The following MCC variants were observed in gnomAD, a reference collection of about 807,000 sequenced individuals.
MCC encodes MCC regulator of Wnt signaling pathway, also known as colorectal mutant cancer protein.
In MCC, 90 loss-of-function variants were observed where a neutral mutation model predicts 116.2. The observed-to-expected ratio is 0.77, with a 90% CI of 0.65 to 0.92. The LOEUF (loss-of-function observed/expected upper bound fraction) is 0.92, where lower values mean the gene tolerates loss of function less well. Among genes scored for constraint, MCC ranks in the 40% least tolerant of loss-of-function variants. The pLI, the probability that MCC is intolerant of heterozygous loss-of-function variation, is 0.00. For missense variants in MCC, 1,516 were observed against 1,312.2 expected, an observed-to-expected ratio of 1.16 and a Z score of -2.40; for synonymous variants, 578 against 510.5, an observed-to-expected ratio of 1.13 and a Z score of -1.78.
At position 113,420,343 on chromosome 5, in the gene MCC, C is replaced by A. The variant is rs1770294195; in HGVS notation, c.171-35131G>T. On this transcript the variant is annotated intron_variant, in intron 1 of 18. Coordinates refer to ENST00000408903, the MANE Select transcript of MCC (RefSeq NM_001085377.2). ...AATTAAAAGGAAAAAAGAAATCTGA[C>A]AGCATTTGCCACTTGTAAAAATTTC... Among the ~76,000 whole-genome samples, 4 of 152,072 alleles carry A rather than the reference C, an allele frequency of 2.6e-5. No homozygotes were observed. In the South Asian group the frequency reaches 8.3e-4, roughly 32 times the overall value.
At chr5:113,483,525 T>C (rs1431081496) in intron 1 of MCC, among the ~76,000 whole-genome samples, 1 of 152,342 alleles carries the variant, frequency 6.6e-6, no homozygotes, top group African/African-American at 2.4e-5. Context: ...ATTTTGATCT[T>C]ATTTTTGTAT....
At chr5:113,369,643 C>T (rs1197630495) in intron 2 of MCC, among the ~76,000 whole-genome samples, 2 of 152,136 alleles carry the variant, frequency 1.3e-5, no homozygotes, top group Non-Finnish European at 1.5e-5. Flanking sequence ...TTGTTTCCAC[C>T]TTTGGGCTAC....
intron 1 of MCC, among the ~76,000 whole-genome samples, chr5:113,440,156 C>A (rs189257174): frequency 5.3e-5 from 8 of 152,332 alleles, no homozygotes; most frequent in African/African-American, 1.9e-4. Flanking sequence ...AGTGCCCTTA[C>A]TGGTCTCTCT....
At chr5:113,061,389 G>C (rs926739923) in intron 14 of MCC, among the ~76,000 whole-genome samples, 2 of 152,132 alleles carry the variant, frequency 1.3e-5, no homozygotes, top group Non-Finnish European at 2.9e-5. Flanking sequence ...ACAGAGGGTG[G>C]GCTTGACCAA....
At chr5:113,066,872 T>A (rs148201293) in intron 13 of MCC, among the ~76,000 whole-genome samples, 1 of 152,180 alleles carries the variant, frequency 6.6e-6, no homozygotes, top group Non-Finnish European at 1.5e-5. Context: ...ACACCATCCA[T>A]CTTTGGCTCT....
intron 3 of MCC, among the ~76,000 whole-genome samples, chr5:113,283,097 G>A (rs1766112722): frequency 6.6e-6 from 1 of 152,154 alleles, no homozygotes; most frequent in Non-Finnish European, 1.5e-5. Flanking sequence ...TCTTATTCTT[G>A]GGCACTCTGG....
intron 3 of MCC, among the ~76,000 whole-genome samples, chr5:113,166,676 A>G (rs1355891284): frequency 2.7e-5 from 4 of 149,800 alleles, no homozygotes; most frequent in Non-Finnish European, 3.0e-5. Flanking sequence ...GAGTCTTCCC[A>G]TTACCCTCAA....
chr5:113,329,831 C>T (rs1767656866), intron 3 of MCC, among the ~76,000 whole-genome samples: 1 of 152,278 alleles, frequency 6.6e-6, no homozygotes, highest in African/African-American at 2.4e-5. Flanking sequence ...ATCAGCTTAG[C>T]CTCTCCTCCA....
At chr5:113,048,347 G>T (rs146361636) in intron 16 of MCC, among the ~76,000 whole-genome samples, 1 of 152,298 alleles carries the variant, frequency 6.6e-6, no homozygotes, top group Non-Finnish European at 1.5e-5. Context: ...GCAGCGTGAT[G>T]AAACCTTGCA....
intron 3 of MCC, among the ~76,000 whole-genome samples, chr5:113,339,940 G>A (rs570474917): frequency 6.6e-6 from 1 of 152,334 alleles, no homozygotes; most frequent in South Asian, 2.1e-4. Flanking sequence ...CAGGCCATCG[G>A]CCACCCGCCT....
rs112845403 is a variant in MCC at position 113,221,723 on chromosome 5, G to A, written c.628-70301C>T. Among the ~76,000 whole-genome samples, 143 of 152,354 alleles carry A rather than the reference G, an allele frequency of 9.4e-4. 2 individuals carry two copies. Among genetic ancestry groups the A allele is most frequent in the African/African-American group, 3.2e-3 (132 of 41,584 alleles). On this transcript the variant is annotated intron_variant, in intron 3 of 18. Coordinates refer to ENST00000408903, the MANE Select transcript of MCC (RefSeq NM_001085377.2). The stretch of plus-strand genomic sequence containing the variant: ...GACCTGACTGAGGAACTGACTCAGT[G>A]CAAGAGGTCAGCTTCAACTCCCTAT...
intron 15 of MCC, among the ~76,000 whole-genome samples, chr5:113,050,876 C>G (rs549134488): frequency 6.6e-6 from 1 of 152,226 alleles, no homozygotes; most frequent in South Asian, 2.1e-4. Context: ...AGGCCAGGGC[C>G]GTGGCCTCTG....
chr5:113,403,005 ATTTGAACACT>A (rs1302157897), intron 1 of MCC, among the ~76,000 whole-genome samples: 1 of 152,098 alleles, frequency 6.6e-6, no homozygotes, highest in Non-Finnish European at 1.5e-5. Context: ...GCTATAAAAG[ATTTGAACACT>A]TTTATGCTTT....
intron 3 of MCC, among the ~76,000 whole-genome samples, chr5:113,242,047 C>T (rs1016183578): frequency 1.3e-5 from 2 of 152,166 alleles, no homozygotes; most frequent in African/African-American, 4.8e-5. Context: ...TCTCATAAAC[C>T]ACACTGTTTT....
intron 3 of MCC, among the ~76,000 whole-genome samples, chr5:113,184,322 G>C (rs1195874406): frequency 1.3e-5 from 2 of 152,098 alleles, no homozygotes; most frequent in East Asian, 3.8e-4. Context: ...AACTCAACTG[G>C]TTTTCCATAT....
In MCC at chr5:113,092,414, C is replaced by CACTT. The variant is rs1422427273; in HGVS notation, c.1399-7108_1399-7105dup. Among the ~76,000 whole-genome samples the CACTT allele has an allele frequency of 1.9e-4, 29 of 152,312 alleles. No individual in the cohort carries two copies. In the East Asian group the frequency reaches 4.6e-3, roughly 24 times the overall value. ...CTCCAGAGAGATGCAGCCTTGCCGA[C>CACTT]ACTTTCATTTTAGTGAATGAGATGC... On this transcript the variant is annotated intron_variant, in intron 8 of 18. Transcript: ENST00000408903.
intron 3 of MCC, among the ~76,000 whole-genome samples, chr5:113,291,864 A>G (rs1158009387): frequency 6.6e-6 from 1 of 152,252 alleles, no homozygotes; most frequent in Non-Finnish European, 1.5e-5. Flanking sequence ...GATATTAGAA[A>G]AATGGTAAAT....
At chr5:113,297,104 A>C (rs1014266174) in intron 3 of MCC, among the ~76,000 whole-genome samples, 1 of 152,206 alleles carries the variant, frequency 6.6e-6, no homozygotes, top group Non-Finnish European at 1.5e-5. Flanking sequence ...ATAAGATTCA[A>C]CTCCACCACA....
chr5:113,236,678 C>A (rs1350583883), intron 3 of MCC, among the ~76,000 whole-genome samples: 1 of 152,180 alleles, frequency 6.6e-6, no homozygotes, highest in Non-Finnish European at 1.5e-5. Flanking sequence ...CCAAGTGAGT[C>A]ACTCTGAGGT....
Sources: gnomAD v4.1 joint callset for allele counts (sites outside exome capture counted in the v4.1 genomes callset) on GRCh38, gnomAD v4.1.1 for gene constraint, MANE v1.5 for transcripts, NCBI Gene and HGNC (gene_info 2026-07-23, HGNC 2026-07-21) for gene names.